The following PPP2R3A variants were observed in gnomAD, a reference collection of about 807,000 sequenced individuals.
PPP2R3A encodes the protein protein phosphatase 2 regulatory subunit B''alpha, also known as serine/threonine-protein phosphatase 2A regulatory subunit B'' subunit alpha.
PPP2R3A carries 80 observed loss-of-function variants against 106.9 expected under a neutral mutation model. The observed-to-expected ratio is 0.75, with a 90% CI of 0.62 to 0.90. The LOEUF is 0.90. Ranked by LOEUF, PPP2R3A falls within the 40% of genes least tolerant of loss-of-function variation. The pLI is 0.00. For missense variants in PPP2R3A, 1,386 were observed against 1,350.4 expected (o/e 1.03, Z -0.41); for synonymous variants, 483 against 468.3 (o/e 1.03, Z -0.41).
At chr3:136,061,848 A>T (rs1936085444) in intron 5 of PPP2R3A, among the ~76,000 whole-genome samples, 1 of 146,574 alleles carries the variant, frequency 6.8e-6, no homozygotes, top group East Asian at 2.0e-4. Context: ...TGAACCCGGG[A>T]CCTGGGAGGT....
chr3:136,026,870 C>T lies in PPP2R3A; in HGVS notation c.2034C>T (p.Leu678=). The T allele has an allele frequency of 6.2e-7, 1 of 1,612,966 alleles. No homozygotes were observed. The highest frequency in any genetic ancestry group is 8.5e-7 in the Non-Finnish European group (1 of 1,179,186). Residue 678 remains leucine (L), a synonymous_variant, in exon 3 of 14, where the codon CTC becomes CTT. Coordinates refer to ENST00000264977, the MANE Select transcript of PPP2R3A (RefSeq NM_002718.5). The stretch of plus-strand genomic sequence containing the variant: ...CAGAAAAGAAACCTGGAACACCACT[C>T]CCACCTCCAGCCACCTCTCCAAGTA... ...NKPEKKPGTP[L]PPPATSPSSP...
chr3:136,010,450 G>A (rs1396259665), intron 2 of PPP2R3A, among the ~76,000 whole-genome samples: 2 of 103,418 alleles, frequency 1.9e-5, no homozygotes, highest in African/African-American at 8.7e-5. Flanking sequence ...TTTTTGAGAC[G>A]GAGTCTCGCT....
chr3:136,036,361 A>G (rs6769336), intron 3 of PPP2R3A, among the ~76,000 whole-genome samples: 4,864 of 152,274 alleles, frequency 0.032, 263 homozygotes, highest in African/African-American at 0.11. Flanking sequence ...GTCAGAGGAA[A>G]GGTCTAGGGC....
In PPP2R3A at chr3:136,070,329, G is replaced by T; in HGVS notation, c.2470-149G>T. ...CACATAAGTATGCTTATAATGAAACGAATTTAATAAAGAATTAAATTTTAA... is the reference window on the plus strand; with the variant it reads ...CACATAAGTATGCTTATAATGAAACTAATTTAATAAAGAATTAAATTTTAA... On this transcript the variant is annotated intron_variant, in intron 5 of 13. Transcript: ENST00000264977. 4 of 589,346 alleles carry T rather than the reference G, an allele frequency of 6.8e-6. No individual in the cohort carries two copies. The South Asian group carries it at 9.7e-5, about 14-fold the overall frequency. The allele number at this position is 589,346 out of a possible 1,614,324, so 36.5% of individuals were successfully genotyped here. A position where few individuals can be genotyped will look rare whatever the true frequency, so the allele number is the denominator to read the frequency against.
At chr3:136,014,062 T>G (rs1187542145) in intron 2 of PPP2R3A, among the ~76,000 whole-genome samples, 1 of 152,146 alleles carries the variant, frequency 6.6e-6, no homozygotes, top group Admixed American at 6.5e-5. Context: ...GCATGTGATT[T>G]GCCAGTTATT....
At chr3:136,078,530 G>A (rs974422663) in intron 7 of PPP2R3A, 77 bp downstream of exon 7, 12 of 956,738 alleles carry the variant, frequency 1.3e-5, no homozygotes, top group Admixed American at 4.3e-5. Context: ...ATATTTGAGC[G>A]CTTACTCTAT....
chr3:135,967,410 C>G (rs548013873), intron 1 of PPP2R3A, among the ~76,000 whole-genome samples: 1 of 152,268 alleles, frequency 6.6e-6, no homozygotes, highest in Admixed American at 6.5e-5. Context: ...TAAAATGTAG[C>G]TTAACATTCT....
At chr3:136,082,216 A>G in intron 7 of PPP2R3A, 49 bp from the exon 8 acceptor site, 2 of 1,489,060 alleles carry the variant, frequency 1.3e-6, no homozygotes, top group Non-Finnish European at 1.9e-6. Context: ...CACAGTGGCC[A>G]AAGCTGCTTT....
At chr3:136,032,522 ATTT>A (rs1934933603) in intron 3 of PPP2R3A, among the ~76,000 whole-genome samples, 1 of 146,472 alleles carries the variant, frequency 6.8e-6, no homozygotes, top group Admixed American at 6.8e-5. Flanking sequence ...TAATTAATTT[ATTT>A]ATTTATTTTT....
chr3:136,080,590 GA>G (rs1418019442), intron 7 of PPP2R3A, among the ~76,000 whole-genome samples: 4 of 152,072 alleles, frequency 2.6e-5, no homozygotes, highest in Admixed American at 2.6e-4. Flanking sequence ...CATATCAAAG[GA>G]CATTTTATAA....
At chr3:136,130,101 G>A (rs1038556690) in intron 13 of PPP2R3A, among the ~76,000 whole-genome samples, 9 of 152,036 alleles carry the variant, frequency 5.9e-5, no homozygotes, top group Non-Finnish European at 7.4e-5. Context: ...TTTGAAAACC[G>A]GCACGAGACA....
intron 2 of PPP2R3A, among the ~76,000 whole-genome samples, chr3:136,005,942 C>T (rs141132612): frequency 6.6e-6 from 1 of 152,270 alleles, no homozygotes; most frequent in African/African-American, 2.4e-5. Context: ...AACCCTCTTC[C>T]CCCATTATCT....
At chr3:136,135,470 TCA>T (rs1259649863) in intron 13 of PPP2R3A, among the ~76,000 whole-genome samples, 18 of 152,218 alleles carry the variant, frequency 1.2e-4, no homozygotes, top group Admixed American at 5.2e-4. Context: ...CAAGAAAGAA[TCA>T]CAGATATGTC....
chr3:136,109,927 A>G (rs1399286196), intron 13 of PPP2R3A, among the ~76,000 whole-genome samples: 1 of 152,064 alleles, frequency 6.6e-6, no homozygotes, highest in East Asian at 1.9e-4. Context: ...TTTGACTGAA[A>G]CCAATAGCAA....
At chr3:136,144,040 CAG>C (rs1259483075) in intron 13 of PPP2R3A, among the ~76,000 whole-genome samples, 1 of 152,204 alleles carries the variant, frequency 6.6e-6, no homozygotes, top group African/African-American at 2.4e-5. Flanking sequence ...ATATGAGGCT[CAG>C]AGATATAGCC....
intron 13 of PPP2R3A, among the ~76,000 whole-genome samples, chr3:136,107,394 C>A (rs568192144): frequency 6.6e-6 from 1 of 151,534 alleles, no homozygotes; most frequent in Non-Finnish European, 1.5e-5. Flanking sequence ...GCCTCTCTCT[C>A]CACCTATCTA....
chr3:136,113,046 T>C (rs1453342664), intron 13 of PPP2R3A, among the ~76,000 whole-genome samples: 1 of 151,218 alleles, frequency 6.6e-6, no homozygotes, highest in African/African-American at 2.4e-5. Context: ...GGCAGGAAAA[T>C]CGCTTGAGCC....
At chr3:136,058,049 AGTATCAGTGAATG>A (rs1343571806) in intron 5 of PPP2R3A, among the ~76,000 whole-genome samples, 1 of 152,222 alleles carries the variant, frequency 6.6e-6, no homozygotes, top group African/African-American at 2.4e-5. Context: ...AATCAACCTA[AGTATCAGTGAATG>A]GAGGCATAAC....
rs1332424741 is a variant in PPP2R3A at position 136,046,359 on chromosome 3, C to T, written c.2367-2900C>T. On this transcript the variant is annotated intron_variant, in intron 4 of 13. Transcript: ENST00000264977. The stretch of plus-strand genomic sequence containing the variant: ...ATCCCAGCTACTCCGGAGGCTGAAG[C>T]GGGAGAATCATTTGAACCTGGGAGG... Among the ~76,000 whole-genome samples, 7 of 151,660 alleles carry T rather than the reference C, an allele frequency of 4.6e-5. No homozygotes were observed. In the East Asian group the frequency reaches 5.8e-4, roughly 13 times the overall value.
Sources: allele counts gnomAD v4.1 joint callset (sites outside exome capture counted in the v4.1 genomes callset), GRCh38; gene constraint gnomAD v4.1.1; transcripts MANE v1.5; gene names NCBI Gene and HGNC (gene_info 2026-07-23, HGNC 2026-07-21).